Variants in ADGRG6 observed in about 807,000 individuals in gnomAD.
ADGRG6 encodes G-protein coupled receptor 126.
In ADGRG6, 84 loss-of-function variants were observed where a neutral mutation model predicts 142.4. That is an observed-to-expected ratio of 0.59 (90% CI 0.49 to 0.71). The LOEUF is 0.71. Among genes scored for constraint, ADGRG6 ranks in the 30% least tolerant of loss-of-function variants. The pLI is 0.00. For synonymous variants in ADGRG6, 521 were observed against 520.5 expected, an observed-to-expected ratio of 1.00 and a Z score of -0.01; for missense variants, 1,367 against 1,466.6, an observed-to-expected ratio of 0.93 and a Z score of 1.11.
intron 4 of ADGRG6, among the ~76,000 whole-genome samples, chr6:142,374,848 T>C (rs1781425092): frequency 1.3e-5 from 2 of 152,248 alleles, no homozygotes; most frequent in Admixed American, 6.5e-5. Flanking sequence ...TAGGTATACA[T>C]TGTGGAATGG....
intron 22 of ADGRG6, among the ~76,000 whole-genome samples, chr6:142,428,028 T>G (rs189557052): frequency 3.9e-5 from 6 of 152,142 alleles, no homozygotes. Context: ...AGGAATGACT[T>G]TTGATAGATT....
At position 142,417,277 on chromosome 6, in the gene ADGRG6, G is replaced by C; in HGVS notation, c.2943G>C (p.Leu981Phe). The part of the protein sequence containing the change: ...ILKFCIIGWG[L>F]PALVVSVVLA... ...GTCATGGTGTTTTTGTAACAGGTTT[G>C]CCTGCCTTAGTGGTGTCAGTTGTTC... The change falls in exon 21 of 25, where the codon TTG becomes TTC. Residue 981 changes from leucine to phenylalanine, a missense_variant. This residue lies in a region of ADGRG6 where 344 missense variants were observed against 348.7 expected (regional missense o/e 0.99). Coordinates refer to ENST00000367609, the MANE Select transcript of ADGRG6 (RefSeq NM_198569.3). 6.3e-7 allele frequency: 1 copy of C among 1,575,174 alleles called. No homozygotes were observed.
At chr6:142,403,475 C>T (rs1241635757) in intron 13 of ADGRG6, among the ~76,000 whole-genome samples, 1 of 151,928 alleles carries the variant, frequency 6.6e-6, no homozygotes, top group Non-Finnish European at 1.5e-5. Flanking sequence ...TCCTTTGATT[C>T]TTGATAAGCC....
In ADGRG6 at chr6:142,417,297, T is replaced by G; in HGVS notation, c.2963T>G (p.Val988Gly). The G allele has an allele frequency of 6.2e-7, 1 of 1,602,194 alleles. No individual in the cohort carries two copies. Among genetic ancestry groups the G allele is most frequent in the Non-Finnish European group, 8.5e-7 (1 of 1,170,578 alleles). Reference sequence around the variant, plus strand: ...GGTTTGCCTGCCTTAGTGGTGTCAGTTGTTCTAGCGAGCAGAAACAACAAT... The same window carrying G: ...GGTTTGCCTGCCTTAGTGGTGTCAGGTGTTCTAGCGAGCAGAAACAACAAT... ...GWGLPALVVSVVLASRNNNEV... is the reference protein window; with the variant it reads ...GWGLPALVVSGVLASRNNNEV... Residue 988 changes from valine (V) to glycine (G), a missense_variant, in exon 21 of 25, where the codon GTT becomes GGT. Around this residue, in one of 3 missense-constraint regions of ADGRG6, gnomAD observed 344 missense variants for 348.7 expected, o/e 0.99. Coordinates refer to ENST00000367609, the MANE Select transcript of ADGRG6 (RefSeq NM_198569.3).
chr6:142,435,683 C>T (rs1777451893), intron 22 of ADGRG6, among the ~76,000 whole-genome samples: 1 of 152,070 alleles, frequency 6.6e-6, no homozygotes, highest in African/African-American at 2.4e-5. Flanking sequence ...ACAAATATCC[C>T]TGTTCTCTTG....
intron 4 of ADGRG6, among the ~76,000 whole-genome samples, chr6:142,376,984 A>T (rs1208135618): frequency 6.6e-6 from 1 of 152,106 alleles, no homozygotes; most frequent in African/African-American, 2.4e-5. Flanking sequence ...ACATATAGTG[A>T]CTCCTTTCAG....
chr6:142,407,487 A>G (rs1226376065), intron 15 of ADGRG6, among the ~76,000 whole-genome samples: 1 of 152,220 alleles, frequency 6.6e-6, no homozygotes, highest in Admixed American at 6.5e-5. Flanking sequence ...AGATTTGACA[A>G]GAAATACAAG....
intron 12 of ADGRG6, 124 bp from the exon 13 acceptor site, chr6:142,402,496 A>G (rs1220854811): frequency 3.2e-6 from 2 of 615,516 alleles, no homozygotes; most frequent in Non-Finnish European, 5.8e-6. Flanking sequence ...TGAGGTATAC[A>G]CAGGAAAATC....
Position 142,437,505 on chromosome 6 carries a change from T to C in ADGRG6, c.3391T>C (p.Cys1131Arg). 2 of 1,558,412 alleles carry C rather than the reference T, an allele frequency of 1.3e-6. No individual in the cohort carries two copies. The highest frequency in any genetic ancestry group is 1.8e-6 in the Non-Finnish European group (2 of 1,129,162). ...GAAACAGTGGCGGCAGCATCTCTGC[T>C]GTGGTAGATTTCGGTTAGCAGATAA... ...VQKQWRQHLC[C>R]GRFRLADNSD... The change falls in exon 23 of 25, where the codon TGT (cysteine) becomes CGT (arginine). Residue 1131 changes from cysteine (C) to arginine (R), a missense_variant. Physicochemically the swap from Cys to Arg is radical, Grantham distance 180. Coordinates refer to ENST00000367609, the MANE Select transcript of ADGRG6 (RefSeq NM_198569.3).
At chr6:142,304,670 C>T (rs1263992992) in intron 1 of ADGRG6, among the ~76,000 whole-genome samples, 2 of 152,152 alleles carry the variant, frequency 1.3e-5, no homozygotes, top group African/African-American at 4.8e-5. Context: ...ATATATCTTA[C>T]AGAGTTTACG....
chr6:142,308,390 T>A (rs1345519430), intron 1 of ADGRG6, among the ~76,000 whole-genome samples: 2 of 151,976 alleles, frequency 1.3e-5, no homozygotes, highest in Non-Finnish European at 2.9e-5. Context: ...GATGGTCTCT[T>A]AAAGTTTAAA....
chr6:142,313,091 C>T (rs1395534984), intron 2 of ADGRG6, among the ~76,000 whole-genome samples: 1 of 151,910 alleles, frequency 6.6e-6, no homozygotes, highest in Admixed American at 6.6e-5. Flanking sequence ...GACGATGGAA[C>T]TTCATACACC....
chr6:142,387,129 G>A (rs1245275494), intron 6 of ADGRG6, among the ~76,000 whole-genome samples: 1 of 152,170 alleles, frequency 6.6e-6, no homozygotes, highest in Non-Finnish European at 1.5e-5. Context: ...GATATTTCAG[G>A]ATATGGGTAA....
chr6:142,393,846 T>C, intron 8 of ADGRG6, 50 bp from the exon 9 acceptor site: 2 of 1,094,670 alleles, frequency 1.8e-6, no homozygotes, highest in Non-Finnish European at 2.7e-6. Context: ...TTATTGTTGA[T>C]GATGTAGTTG....
intron 22 of ADGRG6, among the ~76,000 whole-genome samples, chr6:142,425,852 T>C (rs1776913413): frequency 6.6e-6 from 1 of 152,150 alleles, no homozygotes; most frequent in Non-Finnish European, 1.5e-5. Context: ...AAATCTTATG[T>C]AGGTGGCGGT....
chr6:142,371,484 G>GTTTTTTTTT (rs1273994234), intron 4 of ADGRG6, among the ~76,000 whole-genome samples: 2 of 93,182 alleles, frequency 2.1e-5, no homozygotes, highest in Non-Finnish European at 4.1e-5. Flanking sequence ...GTTTTTTTTT[G>GTTTTTTTTT]TTTTTTTTTT....
intron 22 of ADGRG6, among the ~76,000 whole-genome samples, chr6:142,430,357 A>G (rs1444094352): frequency 1.3e-5 from 2 of 152,210 alleles, no homozygotes; most frequent in African/African-American, 4.8e-5. Flanking sequence ...CACTCTACCT[A>G]GATGCTTCAA....
chr6:142,424,547 T>C (rs1459409642), intron 22 of ADGRG6, among the ~76,000 whole-genome samples: 1 of 147,552 alleles, frequency 6.8e-6, no homozygotes, highest in Non-Finnish European at 1.5e-5. Context: ...GATAAGCTTT[T>C]TGATGTGCTG....
At chr6:142,365,659 G>C (rs967598629) in intron 2 of ADGRG6, among the ~76,000 whole-genome samples, 1 of 152,068 alleles carries the variant, frequency 6.6e-6, no homozygotes, top group African/African-American at 2.4e-5. Context: ...GTCTGTCTTC[G>C]GTCTTGTACA....
Sources: allele counts gnomAD v4.1 joint callset (sites outside exome capture counted in the v4.1 genomes callset), GRCh38; gene constraint gnomAD v4.1.1; regional missense constraint gnomAD v4.1.1; transcripts MANE v1.5; gene names NCBI Gene and HGNC (gene_info 2026-07-23, HGNC 2026-07-21).